Variants in FHL2 observed in about 807,000 individuals in gnomAD.
FHL2 encodes the protein four and a half LIM domains protein 2.
FHL2 carries 20 observed loss-of-function variants against 32.7 expected under a neutral mutation model. The observed-to-expected ratio is 0.61, with a 90% CI of 0.43 to 0.89. The LOEUF (loss-of-function observed/expected upper bound fraction) is 0.89, where lower values mean the gene tolerates loss of function less well. Among genes scored for constraint, FHL2 ranks in the 40% least tolerant of loss-of-function variants. The pLI is 0.00. For synonymous variants in FHL2, 123 were observed against 128.1 expected, an observed-to-expected ratio of 0.96 and a Z score of 0.27; for missense variants, 311 against 358.6, an observed-to-expected ratio of 0.87 and a Z score of 1.07.
At chr2:105,415,673 A>G (rs1683911389) in intron 1 of FHL2, among the ~76,000 whole-genome samples, 1 of 152,336 alleles carries the variant, frequency 6.6e-6, no homozygotes, top group South Asian at 2.1e-4. Context: ...GTGTTGGGAA[A>G]CAGCCTGAAG....
At chr2:105,374,957 G>A (rs1319813082) in intron 3 of FHL2, among the ~76,000 whole-genome samples, 3 of 152,170 alleles carry the variant, frequency 2.0e-5, no homozygotes, top group Non-Finnish European at 2.9e-5. Flanking sequence ...CTGTTCACGC[G>A]ATGGCCCTGA....
At chr2:105,373,215 G>T (rs1681221174) in intron 4 of FHL2, among the ~76,000 whole-genome samples, 1 of 152,216 alleles carries the variant, frequency 6.6e-6, no homozygotes, top group African/African-American at 2.4e-5. Context: ...TACAAATTCA[G>T]CAGGTAGAAG....
At chr2:105,380,647 A>C (rs990991864) in intron 3 of FHL2, among the ~76,000 whole-genome samples, 9 of 152,250 alleles carry the variant, frequency 5.9e-5, no homozygotes, top group African/African-American at 2.2e-4. Context: ...AGCAAACATG[A>C]GTGTAACAGA....
intron 1 of FHL2, among the ~76,000 whole-genome samples, chr2:105,418,581 A>G (rs1162932855): frequency 1.3e-5 from 2 of 152,214 alleles, no homozygotes; most frequent in African/African-American, 2.4e-5. Context: ...TGCACTTTAC[A>G]TTTTTATGAA....
At chr2:105,402,072 CATGTATAT>C (rs1683482777), upstream of FHL2, among the ~76,000 whole-genome samples, 2 of 147,096 alleles carry the variant, frequency 1.4e-5, no homozygotes, top group Admixed American at 1.4e-4. Context: ...TGTACATATA[CATGTATAT>C]ATGTGTATAT....
At chr2:105,407,944 C>G (rs1683686768) in intron 1 of FHL2, among the ~76,000 whole-genome samples, 1 of 152,180 alleles carries the variant, frequency 6.6e-6, no homozygotes, top group Non-Finnish European at 1.5e-5. Context: ...TTAGTTTCTG[C>G]TTGAAGCTTG....
chr2:105,399,482 G>A, upstream of FHL2: 1 of 1,536,190 alleles, frequency 6.5e-7, no homozygotes, highest in Non-Finnish European at 8.7e-7. Context: ...TATTTGCAAG[G>A]TGGACGTTTT....
At position 105,386,731 on chromosome 2, in the gene FHL2, C is replaced by T. The variant is rs755003598; in HGVS notation, c.-24-191G>A. Among the ~76,000 whole-genome samples the T allele has an allele frequency of 2.1e-3, 280 of 134,308 alleles. 3 individuals are homozygous for T. Among genetic ancestry groups the T allele is most frequent in the Admixed American group, 2.1e-3 (28 of 13,460 alleles). 88.1% of individuals were successfully genotyped at this position (134,308 alleles called of 152,430 possible). A position where few individuals can be genotyped will look rare whatever the true frequency, so the allele number is the denominator to read the frequency against. ...TAACACCTTTTTTCATTAGCTAGGG[C>T]GGTTTTGTGTTTGAATGCATTCCAC... On this transcript the variant is annotated intron_variant, in intron 2 of 6. Coordinates refer to ENST00000530340, the MANE Select transcript of FHL2 (RefSeq NM_001318895.3).
intron 1 of FHL2, among the ~76,000 whole-genome samples, chr2:105,409,074 G>C (rs1329065326): frequency 6.6e-6 from 1 of 152,186 alleles, no homozygotes; most frequent in Non-Finnish European, 1.5e-5. Context: ...CAAAGAAGGA[G>C]AAAGCCTTCA....
At chr2:105,388,811 G>A (rs370302460) in intron 2 of FHL2, among the ~76,000 whole-genome samples, 121 of 150,914 alleles carry the variant, frequency 8.0e-4, no homozygotes, top group African/African-American at 2.7e-3. Context: ...CCCAGCCTGG[G>A]CAACAGAGCG....
At chr2:105,421,785 C>T (rs566194181) in intron 1 of FHL2, among the ~76,000 whole-genome samples, 31 of 152,190 alleles carry the variant, frequency 2.0e-4, no homozygotes, top group Non-Finnish European at 8.8e-5. Flanking sequence ...AATGGAGGCA[C>T]TTCTGTGATG....
At chr2:105,381,857 T>C (rs1307610440) in intron 3 of FHL2, among the ~76,000 whole-genome samples, 1 of 152,122 alleles carries the variant, frequency 6.6e-6, no homozygotes, top group Non-Finnish European at 1.5e-5. Context: ...ACCCTGAGAA[T>C]GTGACTGGAG....
chr2:105,414,342 T>C (rs1683872544), intron 1 of FHL2, among the ~76,000 whole-genome samples: 2 of 152,130 alleles, frequency 1.3e-5, no homozygotes, highest in South Asian at 4.1e-4. Context: ...CATTGGCCAC[T>C]AGTGATCAAC....
At chr2:105,389,060 T>G (rs1282908366) in intron 2 of FHL2, among the ~76,000 whole-genome samples, 2 of 152,264 alleles carry the variant, frequency 1.3e-5, no homozygotes, top group Non-Finnish European at 2.9e-5. Flanking sequence ...AAAGATCATC[T>G]TTCAAGAATT....
chr2:105,437,355 A>G (rs1044477199), intron 1 of FHL2, among the ~76,000 whole-genome samples: 2 of 152,106 alleles, frequency 1.3e-5, no homozygotes, highest in African/African-American at 4.8e-5. Flanking sequence ...TACACATTCT[A>G]TGTATGTACT....
At chr2:105,400,340 C>T (rs1457330799), upstream of FHL2, among the ~76,000 whole-genome samples, 1 of 152,166 alleles carries the variant, frequency 6.6e-6, no homozygotes, top group African/African-American at 2.4e-5. Context: ...ATAAGCCCAG[C>T]CAGAACTAGA....
intron 2 of FHL2, among the ~76,000 whole-genome samples, chr2:105,393,075 T>G (rs1355999271): frequency 6.6e-6 from 1 of 152,032 alleles, no homozygotes. Context: ...GCTCAGGCCT[T>G]GGAGTTCCAG....
intron 1 of FHL2, among the ~76,000 whole-genome samples, chr2:105,404,683 G>A (rs1290779338): frequency 1.3e-5 from 2 of 152,152 alleles, no homozygotes; most frequent in East Asian, 3.9e-4. Context: ...TTCTCTGCCT[G>A]TCAGACTTTC....
intron 3 of FHL2, among the ~76,000 whole-genome samples, chr2:105,380,069 A>ATT (rs1681772552): frequency 6.6e-6 from 1 of 152,236 alleles, no homozygotes; most frequent in South Asian, 2.1e-4. Flanking sequence ...GCTTCTTAAG[A>ATT]AAGTTCACAA....
Sources: gnomAD v4.1 joint callset for allele counts (sites outside exome capture counted in the v4.1 genomes callset) on GRCh38, gnomAD v4.1.1 for gene constraint, MANE v1.5 for transcripts, NCBI Gene and HGNC (gene_info 2026-07-23, HGNC 2026-07-21) for gene names.